CD99: variants seen among roughly 807,000 people sequenced by gnomAD.
CD99 encodes the protein CD99 molecule (Xg blood group).
A neutral mutation model predicts 28.4 loss-of-function variants in CD99; 19 were observed. The ratio of observed to expected loss-of-function variants is 0.67; its 90% CI spans 0.47 to 0.98. The LOEUF (loss-of-function observed/expected upper bound fraction) is 0.98. Ranked by LOEUF, CD99 falls within the 50% of genes least tolerant of loss-of-function variation. CD99 has a pLI of 0.00. For synonymous variants in CD99, 103 were observed against 92.1 expected, an observed-to-expected ratio of 1.12 and a Z score of -0.67; for missense variants, 283 against 248.8, an observed-to-expected ratio of 1.14 and a Z score of -0.92.
intron 1 of CD99, among the ~76,000 whole-genome samples, chrX:2,700,943 A>C (rs1364472915): frequency 5.8e-5 from 7 of 121,352 alleles, no homozygotes; most frequent in African/African-American, 1.6e-4. Flanking sequence ...CCAACCATCC[A>C]TCCATACCTC....
At chrX:2,709,577 T>C (rs954592594) in intron 1 of CD99, among the ~76,000 whole-genome samples, 1 of 152,230 alleles carries the variant, frequency 6.6e-6, no homozygotes, top group African/African-American at 2.4e-5. Flanking sequence ...GCCCACACCA[T>C]ACACCCACAC....
intron 5 of CD99, among the ~76,000 whole-genome samples, chrX:2,721,031 A>T (rs1463252426): frequency 6.6e-6 from 1 of 152,158 alleles, no homozygotes; most frequent in Non-Finnish European, 1.5e-5. Context: ...TGGCATACAC[A>T]TTCCTTGTGG....
intron 1 of CD99, among the ~76,000 whole-genome samples, chrX:2,707,588 G>A (rs1477631505): frequency 6.6e-6 from 1 of 152,170 alleles, no homozygotes; most frequent in Admixed American, 6.5e-5. Context: ...CATGCCATCT[G>A]TCGTCCGTTC....
At chrX:2,726,633 A>G (rs758472650) in intron 8 of CD99, among the ~76,000 whole-genome samples, 4 of 152,298 alleles carry the variant, frequency 2.6e-5, no homozygotes, top group Admixed American at 2.6e-4. Context: ...CAAGTGGGAA[A>G]TGGTTGGTAC....
intron 1 of CD99, 130 bp downstream of exon 1, chrX:2,691,557 C>T (rs2047294485): frequency 7.7e-6 from 8 of 1,044,994 alleles, no homozygotes; most frequent in East Asian, 5.2e-5. Flanking sequence ...CGGCAGGACG[C>T]GCTGTGCCCA....
intron 2 of CD99, among the ~76,000 whole-genome samples, chrX:2,717,072 C>T (rs1005258606): frequency 1.3e-5 from 2 of 152,014 alleles, no homozygotes. Flanking sequence ...AAGGGCTGGG[C>T]ACGGTGGCTC....
At chrX:2,728,246 C>A (rs2049400902) in intron 8 of CD99, among the ~76,000 whole-genome samples, 1 of 147,756 alleles carries the variant, frequency 6.8e-6, no homozygotes, top group Non-Finnish European at 1.5e-5. Context: ...ACTCTGTCAC[C>A]CAGGCTGGAA....
chrX:2,724,415 G>A (rs1403246187), intron 7 of CD99, among the ~76,000 whole-genome samples: 3 of 151,296 alleles, frequency 2.0e-5, no homozygotes, highest in Non-Finnish European at 3.0e-5. Context: ...CGTGGAGGGC[G>A]GAGAAGATTC....
intron 9 of CD99, among the ~76,000 whole-genome samples, chrX:2,739,530 A>T (rs1341275248): frequency 6.6e-6 from 1 of 151,754 alleles, no homozygotes; most frequent in Non-Finnish European, 1.5e-5. Context: ...GCTCACTGCA[A>T]CCCCTGCCTC....
intron 8 of CD99, among the ~76,000 whole-genome samples, chrX:2,737,672 T>C (rs1025146234): frequency 2.0e-4 from 31 of 151,612 alleles, no homozygotes; most frequent in Non-Finnish European, 4.3e-4. Flanking sequence ...CTTTTGTATT[T>C]TTTAGTAGAG....
At chrX:2,697,172 GATATA>G (rs1438684797) in intron 1 of CD99, among the ~76,000 whole-genome samples, 6 of 152,132 alleles carry the variant, frequency 3.9e-5, no homozygotes, top group Non-Finnish European at 7.3e-5. Context: ...GCTGGGCTGA[GATATA>G]ATATATGTTT....
At chrX:2,736,611 A>G (rs2049953202) in intron 8 of CD99, among the ~76,000 whole-genome samples, 3 of 151,894 alleles carry the variant, frequency 2.0e-5, no homozygotes, top group Non-Finnish European at 4.4e-5. Flanking sequence ...TAATCCCAGT[A>G]CTTTGAGAGG....
intron 1 of CD99, among the ~76,000 whole-genome samples, chrX:2,711,245 G>A (rs1052185733): frequency 1.4e-5 from 2 of 147,134 alleles, no homozygotes; most frequent in African/African-American, 5.0e-5. Flanking sequence ...ATATATATAT[G>A]TGTATATATA....
chrX:2,715,632 G>C (rs1432222572), intron 2 of CD99: 2 of 152,038 alleles, frequency 1.3e-5, no homozygotes, highest in Admixed American at 6.6e-5. Context: ...CTCATTACCA[G>C]GTTTTAGGCT....
intron 5 of CD99, among the ~76,000 whole-genome samples, chrX:2,721,198 T>G (rs2048977411): frequency 6.6e-6 from 1 of 152,148 alleles, no homozygotes; most frequent in African/African-American, 2.4e-5. Flanking sequence ...TTTGTTTACA[T>G]ATTTAATTTT....
chrX:2,739,536 G>A (rs911603374), intron 9 of CD99, among the ~76,000 whole-genome samples: 16 of 151,874 alleles, frequency 1.1e-4, no homozygotes, highest in Non-Finnish European at 2.2e-4. Context: ...TGCAACCCCT[G>A]CCTCCCAGTG....
chrX:2,720,501 G>T, intron 5 of CD99, 77 bp downstream of exon 5: 3 of 1,364,302 alleles, frequency 2.2e-6, no homozygotes, highest in Non-Finnish European at 3.1e-6. Context: ...GAGAGGAGGT[G>T]ATTTCAGATG....
At chrX:2,703,105 A>G (rs1001481861) in intron 1 of CD99, among the ~76,000 whole-genome samples, 1 of 152,224 alleles carries the variant, frequency 6.6e-6, no homozygotes, top group Non-Finnish European at 1.5e-5. Context: ...GAGCTTCTCA[A>G]TAGCACATGT....
At chrX:2,700,643 C>G (rs7888059) in intron 1 of CD99, among the ~76,000 whole-genome samples, 3,068 of 151,450 alleles carry the variant, frequency 0.02, 105 homozygotes, top group African/African-American at 0.07. Flanking sequence ...CATCCATTCT[C>G]CATTCATCTT....
Sources: allele counts gnomAD v4.1 joint callset (sites outside exome capture counted in the v4.1 genomes callset), GRCh38; gene constraint gnomAD v4.1.1; transcripts MANE v1.5; gene names NCBI Gene and HGNC (gene_info 2026-07-23, HGNC 2026-07-21).